SAMD5: variants seen among roughly 807,000 people sequenced by gnomAD.
SAMD5 encodes the protein sterile alpha motif domain containing 5.
Under a neutral mutation model 11.3 loss-of-function variants are expected in SAMD5, and 13 were observed. The ratio of observed to expected loss-of-function variants is 1.15; its 90% confidence interval spans 0.75 to 1.83. The LOEUF is 1.83. Ranked by LOEUF, SAMD5 falls within the 40% of genes most tolerant of loss-of-function variation. The probability of loss-of-function intolerance (pLI) is 0.00; values close to 1 mark genes in which losing one functional copy is unlikely to be tolerated. For synonymous variants in SAMD5, 129 were observed against 111.3 expected (o/e 1.16, Z -1.00); for missense variants, 255 against 239.1 (o/e 1.07, Z -0.44).
At chr6:147,786,845 C>A in the SAMD5 span, among the ~76,000 whole-genome samples, 3 of 152,248 alleles carry the variant, frequency 2.0e-5, no homozygotes, top group African/African-American at 7.2e-5. Flanking sequence ...CTGGAATATT[C>A]TAGTATGTTT....
At chr6:147,747,633 C>T in the SAMD5 span, among the ~76,000 whole-genome samples, 1 of 152,184 alleles carries the variant, frequency 6.6e-6, no homozygotes, top group Non-Finnish European at 1.5e-5. Flanking sequence ...ACCTCAGCCT[C>T]CCGTGTAGCT....
intron 1 of SAMD5, among the ~76,000 whole-genome samples, chr6:147,577,232 A>C (rs1451147066): frequency 6.6e-6 from 1 of 152,192 alleles, no homozygotes; most frequent in African/African-American, 2.4e-5. Context: ...CGTCTTGCTG[A>C]ATGCATAACT....
rs565340705 is a variant in SAMD5 at position 147,588,416 on chromosome 6, C to T, written c.162+79029C>T. On this transcript the variant is annotated intron_variant, in intron 1 of 1. Transcript: ENST00000566741. ...GCAACCTCCGCCTCCCAGGTTCAAGCGATTCTCCTGCCTCAGCCTCCCAAG... is the reference window on the plus strand; with the variant it reads ...GCAACCTCCGCCTCCCAGGTTCAAGTGATTCTCCTGCCTCAGCCTCCCAAG... Among the ~76,000 whole-genome samples the T allele has an allele frequency of 9.5e-4, 142 of 148,804 alleles. 2 individuals are homozygous for T. In the South Asian group the frequency reaches 0.025, roughly 27 times the overall value.
At chr6:147,570,260 G>A (rs993843785), downstream of SAMD5, among the ~76,000 whole-genome samples, 9 of 152,106 alleles carry the variant, frequency 5.9e-5, no homozygotes, top group Admixed American at 2.0e-4. Context: ...TGAGTATGTT[G>A]TCGCCTTCTC....
intron 1 of SAMD5, among the ~76,000 whole-genome samples, chr6:147,637,685 T>C (rs963418179): frequency 5.3e-5 from 8 of 152,134 alleles, no homozygotes; most frequent in African/African-American, 1.9e-4. Flanking sequence ...TTTTAGCTTT[T>C]CTAAATTGAC....
the SAMD5 span, among the ~76,000 whole-genome samples, chr6:147,903,717 G>A: frequency 6.6e-6 from 1 of 152,110 alleles, no homozygotes; most frequent in African/African-American, 2.4e-5. Flanking sequence ...AGAGGAGCCT[G>A]GCCAACATGG....
At chr6:147,640,326 CAAAAAAAAAAAGAAAAAA>C (rs1790290942) in intron 1 of SAMD5, among the ~76,000 whole-genome samples, 1 of 121,704 alleles carries the variant, frequency 8.2e-6, no homozygotes, top group Non-Finnish European at 1.7e-5. Context: ...GACTTCATCT[CAAAAAAAAAAAGAAAAAA>C]AAAATTGCCG....
At chr6:147,722,905 A>G (rs1293350116) in intron 1 of SAMD5, among the ~76,000 whole-genome samples, 1 of 152,166 alleles carries the variant, frequency 6.6e-6, no homozygotes, top group Non-Finnish European at 1.5e-5. Flanking sequence ...ATTATAATTA[A>G]TCTTTGTGTT....
the SAMD5 span, among the ~76,000 whole-genome samples, chr6:147,815,650 T>C: frequency 6.6e-6 from 1 of 152,288 alleles, no homozygotes; most frequent in African/African-American, 2.4e-5. Context: ...ACAGAGCCCT[T>C]TGGAGCTTTT....
At chr6:147,835,770 C>T in the SAMD5 span, among the ~76,000 whole-genome samples, 2 of 152,034 alleles carry the variant, frequency 1.3e-5, no homozygotes, top group African/African-American at 4.8e-5. Context: ...GTATTTCTTC[C>T]CCTCCACTTG....
intron 1 of SAMD5, among the ~76,000 whole-genome samples, chr6:147,690,301 T>C (rs1791082028): frequency 6.6e-6 from 1 of 152,226 alleles, no homozygotes; most frequent in Non-Finnish European, 1.5e-5. Flanking sequence ...TTTATTTAGC[T>C]ACTTGTAGGC....
the SAMD5 span, among the ~76,000 whole-genome samples, chr6:147,895,952 TG>T: frequency 1.3e-5 from 2 of 152,284 alleles, no homozygotes; most frequent in African/African-American, 4.8e-5. Flanking sequence ...AAGAGACAGC[TG>T]GGGGTCTTAA....
intron 1 of SAMD5, among the ~76,000 whole-genome samples, chr6:147,677,664 G>A (rs79645026): frequency 0.024 from 3,601 of 152,174 alleles, 65 homozygotes; most frequent in South Asian, 0.067. Flanking sequence ...CACCACTATG[G>A]AGGAAGCAGG....
At chr6:147,587,678 G>C (rs188708131) in intron 1 of SAMD5, among the ~76,000 whole-genome samples, 1 of 152,270 alleles carries the variant, frequency 6.6e-6, no homozygotes, top group Admixed American at 6.5e-5. Flanking sequence ...ACAGGGATAT[G>C]CTTTTCTGGC....
chr6:147,706,322 A>G (rs1412938347), intron 1 of SAMD5, among the ~76,000 whole-genome samples: 1 of 152,030 alleles, frequency 6.6e-6, no homozygotes, highest in Non-Finnish European at 1.5e-5. Context: ...CCCAGGTTCA[A>G]CCAATTCTCC....
At chr6:147,774,766 C>T in the SAMD5 span, among the ~76,000 whole-genome samples, 2 of 151,902 alleles carry the variant, frequency 1.3e-5, no homozygotes, top group African/African-American at 4.8e-5. Context: ...TTGGTTGAAT[C>T]TGTGGATGTG....
chr6:147,729,482 C>A (rs1791677996), intron 1 of SAMD5, among the ~76,000 whole-genome samples: 1 of 152,142 alleles, frequency 6.6e-6, no homozygotes, highest in African/African-American at 2.4e-5. Flanking sequence ...GCTGGAGATT[C>A]AATGATGAAC....
the SAMD5 span, among the ~76,000 whole-genome samples, chr6:147,765,479 G>T: frequency 6.6e-6 from 1 of 152,104 alleles, no homozygotes; most frequent in African/African-American, 2.4e-5. Flanking sequence ...ATTAAGAAAA[G>T]CCAAAATATG....
chr6:147,772,607 T>C, the SAMD5 span, among the ~76,000 whole-genome samples: 4 of 152,092 alleles, frequency 2.6e-5, no homozygotes, highest in Non-Finnish European at 5.9e-5. Context: ...GAAAGATCTG[T>C]TCCAGGCCTC....
Sources: allele counts gnomAD v4.1 joint callset (sites outside exome capture counted in the v4.1 genomes callset), GRCh38; gene constraint gnomAD v4.1.1; transcripts MANE v1.5; gene names NCBI Gene and HGNC (gene_info 2026-07-23, HGNC 2026-07-21).